Variants in FANCC observed in about 807,000 individuals in gnomAD.
The protein encoded by FANCC is FA complementation group C.
Under a neutral mutation model 71.3 loss-of-function variants are expected in FANCC, and 55 were observed. The observed-to-expected ratio is 0.77, with a 90% CI of 0.62 to 0.97. FANCC has a LOEUF of 0.97. Among genes scored for constraint, FANCC ranks in the 50% least tolerant of loss-of-function variants. FANCC has a pLI of 0.00. For synonymous variants in FANCC, 275 were observed against 244.9 expected, an observed-to-expected ratio of 1.12 and a Z score of -1.15; for missense variants, 678 against 670.9, an observed-to-expected ratio of 1.01 and a Z score of -0.12.
chr9:95,151,187 AG>A (rs1031134960), intron 6 of FANCC, among the ~76,000 whole-genome samples: 4 of 152,082 alleles, frequency 2.6e-5, no homozygotes, highest in Non-Finnish European at 5.9e-5. Context: ...ATTCCCTTAT[AG>A]TACTCATGGT....
At chr9:95,297,836 C>T (rs1219660141) in intron 1 of FANCC, among the ~76,000 whole-genome samples, 5 of 152,150 alleles carry the variant, frequency 3.3e-5, no homozygotes. Context: ...GAAAGGAAAG[C>T]ATCATGATAT....
Position 95,114,437 on chromosome 9 carries a change from C to T in FANCC, c.1154+192G>A. The T allele has an allele frequency of 1.8e-5, 12 of 680,606 alleles. No homozygotes were observed. The South Asian group carries it at 1.9e-4, about 11-fold the overall frequency. 42.2% of individuals were successfully genotyped at this position (680,606 alleles called of 1,614,324 possible). A position where few individuals can be genotyped will look rare whatever the true frequency, so the allele number is the denominator to read the frequency against. ...ACATGCATACATGCGCATGCCTATT[C>T]ATCCTGACCTGCTCCAAGCCATCCG... On this transcript the variant is annotated intron_variant, in intron 12 of 14. Coordinates refer to ENST00000289081, the MANE Select transcript of FANCC (RefSeq NM_000136.3).
intron 1 of FANCC, among the ~76,000 whole-genome samples, chr9:95,283,658 T>C (rs533238927): frequency 3.2e-4 from 48 of 152,240 alleles, no homozygotes; most frequent in Non-Finnish European, 5.1e-4. Context: ...AATTATAATA[T>C]TACATGCAAG....
At chr9:95,130,157 T>G (rs553119380) in intron 8 of FANCC, among the ~76,000 whole-genome samples, 3 of 152,324 alleles carry the variant, frequency 2.0e-5, no homozygotes, top group African/African-American at 7.2e-5. Flanking sequence ...GATGTTTACT[T>G]AAGCTGTTAT....
chr9:95,311,134 C>T (rs1300666953), intron 1 of FANCC, among the ~76,000 whole-genome samples: 2 of 150,266 alleles, frequency 1.3e-5, no homozygotes, highest in African/African-American at 2.5e-5. Flanking sequence ...GTCCCAGCTA[C>T]TCAGGAGGAG....
chr9:95,217,870 G>C (rs1462383440), intron 4 of FANCC, among the ~76,000 whole-genome samples: 3 of 151,848 alleles, frequency 2.0e-5, no homozygotes, highest in African/African-American at 7.3e-5. Flanking sequence ...TCATGGGGGA[G>C]AAAAAAGGGA....
At chr9:95,105,305 C>T (rs2071359159) in intron 14 of FANCC, among the ~76,000 whole-genome samples, 1 of 152,170 alleles carries the variant, frequency 6.6e-6, no homozygotes, top group South Asian at 2.1e-4. Flanking sequence ...TCAGGCCCGG[C>T]CTGGACGGGA....
At chr9:95,104,816 G>A (rs143289564) in intron 14 of FANCC, among the ~76,000 whole-genome samples, 3 of 152,206 alleles carry the variant, frequency 2.0e-5, no homozygotes, top group African/African-American at 7.2e-5. Context: ...GCCTGAGCTG[G>A]AATTGTCCTT....
At chr9:95,298,608 T>C (rs1318784183) in intron 1 of FANCC, among the ~76,000 whole-genome samples, 2 of 152,206 alleles carry the variant, frequency 1.3e-5, no homozygotes, top group African/African-American at 4.8e-5. Context: ...GAACATTCAA[T>C]TGAAGAAAAC....
At chr9:95,231,750 G>A (rs1177742052) in intron 4 of FANCC, among the ~76,000 whole-genome samples, 2 of 152,184 alleles carry the variant, frequency 1.3e-5, no homozygotes, top group East Asian at 3.8e-4. Flanking sequence ...AAATCAAAGA[G>A]AGGGATATTT....
At chr9:95,274,375 T>C (rs1011482108) in intron 1 of FANCC, among the ~76,000 whole-genome samples, 1 of 152,228 alleles carries the variant, frequency 6.6e-6, no homozygotes, top group African/African-American at 2.4e-5. Flanking sequence ...TATGGCTATA[T>C]AGTATTCCAT....
chr9:95,315,273 T>C (rs1408870627), intron 1 of FANCC, among the ~76,000 whole-genome samples: 1 of 152,234 alleles, frequency 6.6e-6, no homozygotes, highest in Non-Finnish European at 1.5e-5. Flanking sequence ...CTGCCCAGTG[T>C]GGAGTGCAGT....
chr9:95,125,221 C>T, intron 9 of FANCC, 36 bp from the exon 10 acceptor site: 1 of 1,553,550 alleles, frequency 6.4e-7, no homozygotes. Flanking sequence ...ACACGTTTAA[C>T]AAGTAATCCG....
intron 1 of FANCC, among the ~76,000 whole-genome samples, chr9:95,255,806 A>AAG: frequency 6.6e-6 from 1 of 152,250 alleles, no homozygotes; most frequent in East Asian, 1.9e-4. Flanking sequence ...TCTTGAAAAA[A>AAG]GGTTAGAGGA....
intron 1 of FANCC, among the ~76,000 whole-genome samples, chr9:95,263,755 G>C (rs2136183193): frequency 6.6e-6 from 1 of 152,194 alleles, no homozygotes; most frequent in South Asian, 2.1e-4. Flanking sequence ...TTTTACCCTT[G>C]TGAACCTCCT....
chr9:95,273,688 C>G (rs1244315089), intron 1 of FANCC, among the ~76,000 whole-genome samples: 1 of 152,144 alleles, frequency 6.6e-6, no homozygotes, highest in East Asian at 1.9e-4. Context: ...AATTTCAGCC[C>G]AAGAACTAAC....
At chr9:95,203,672 TA>T (rs1827941424) in intron 4 of FANCC, among the ~76,000 whole-genome samples, 1 of 152,190 alleles carries the variant, frequency 6.6e-6, no homozygotes, top group African/African-American at 2.4e-5. Flanking sequence ...TAGTAATTAA[TA>T]TGAGATAATA....
intron 12 of FANCC, 113 bp from the exon 13 acceptor site, chr9:95,111,750 G>A (rs2071954678): frequency 8.3e-7 from 1 of 1,202,544 alleles, no homozygotes; most frequent in South Asian, 1.2e-5. Flanking sequence ...CTTATCCACT[G>A]AAGTGCAACC....
intron 1 of FANCC, among the ~76,000 whole-genome samples, chr9:95,250,208 G>A (rs549136707): frequency 2.8e-4 from 42 of 152,284 alleles, no homozygotes; most frequent in East Asian, 1.5e-3. Context: ...AGCAGGAATC[G>A]CAGAGGAGGG....
Sources: allele counts gnomAD v4.1 joint callset (sites outside exome capture counted in the v4.1 genomes callset), GRCh38; gene constraint gnomAD v4.1.1; transcripts MANE v1.5; gene names NCBI Gene and HGNC (gene_info 2026-07-23, HGNC 2026-07-21).